RPS6KC1: variants seen among roughly 807,000 people sequenced by gnomAD.
RPS6KC1 encodes the protein ribosomal protein S6 kinase C1, also known as inactive ribosomal protein S6 kinase delta-1.
Under a neutral mutation model 103.8 loss-of-function variants are expected in RPS6KC1, and 54 were observed. The ratio of observed to expected loss-of-function variants is 0.52; its 90% CI spans 0.42 to 0.65. The LOEUF (loss-of-function observed/expected upper bound fraction) is 0.65, where lower values mean the gene tolerates loss of function less well. Among genes scored for constraint, RPS6KC1 ranks in the 30% least tolerant of loss-of-function variants. The pLI is 0.00. For synonymous variants in RPS6KC1, 439 were observed against 438.7 expected (o/e 1.00, Z -0.01); for missense variants, 1,151 against 1,253.8 (o/e 0.92, Z 1.24).
At chr1:213,524,543 C>T in the RPS6KC1 span, among the ~76,000 whole-genome samples, 3 of 152,194 alleles carry the variant, frequency 2.0e-5, no homozygotes, top group African/African-American at 7.2e-5. Context: ...GGAACCCCTT[C>T]TTCTGTCATT....
chr1:213,629,958 T>C, the RPS6KC1 span, among the ~76,000 whole-genome samples: 2 of 152,362 alleles, frequency 1.3e-5, no homozygotes, highest in Non-Finnish European at 2.9e-5. Context: ...GATCAGCGCT[T>C]AGTCTGATGG....
chr1:213,716,661 A>G, the RPS6KC1 span, among the ~76,000 whole-genome samples: 4 of 152,146 alleles, frequency 2.6e-5, no homozygotes, highest in Admixed American at 6.5e-5. Flanking sequence ...TTCTCTTATG[A>G]TTCTTAGTAC....
the RPS6KC1 span, among the ~76,000 whole-genome samples, chr1:213,482,706 G>A: frequency 0.014 from 2,059 of 151,484 alleles, 51 homozygotes; most frequent in African/African-American, 0.048. Context: ...GCACCACCAC[G>A]CCCAGCTAAT....
the RPS6KC1 span, among the ~76,000 whole-genome samples, chr1:213,414,125 G>A: frequency 1.7e-4 from 26 of 152,282 alleles, no homozygotes; most frequent in Non-Finnish European, 3.2e-4. Flanking sequence ...ATGGGGGAAG[G>A]TGAGCTGAGC....
At chr1:213,213,984 C>G (rs1378458363) in intron 8 of RPS6KC1, among the ~76,000 whole-genome samples, 2 of 152,220 alleles carry the variant, frequency 1.3e-5, no homozygotes, top group African/African-American at 2.4e-5. Context: ...GCATTTCCAA[C>G]TGAGGTACTG....
intron 14 of RPS6KC1, among the ~76,000 whole-genome samples, chr1:213,269,199 A>G (rs2094983022): frequency 6.6e-6 from 1 of 152,244 alleles, no homozygotes. Context: ...AATGGATATT[A>G]AGATAGATTT....
chr1:213,364,493 A>G, the RPS6KC1 span, among the ~76,000 whole-genome samples: 1 of 152,080 alleles, frequency 6.6e-6, no homozygotes. Context: ...TGGGTTCACA[A>G]CCTGTGGTGA....
chr1:213,287,077 G>A, the RPS6KC1 span, among the ~76,000 whole-genome samples: 1 of 152,180 alleles, frequency 6.6e-6, no homozygotes, highest in Non-Finnish European at 1.5e-5. Flanking sequence ...AGAAGTGAAA[G>A]ACTAAACAAT....
chr1:213,400,108 T>G, the RPS6KC1 span, among the ~76,000 whole-genome samples: 1 of 152,128 alleles, frequency 6.6e-6, no homozygotes, highest in Non-Finnish European at 1.5e-5. Flanking sequence ...TCGGGTCTTG[T>G]GCGATTTATT....
At chr1:213,189,073 C>G (rs1355875436) in intron 8 of RPS6KC1, among the ~76,000 whole-genome samples, 1 of 152,054 alleles carries the variant, frequency 6.6e-6, no homozygotes, top group African/African-American at 2.4e-5. Context: ...TGATTTTTGA[C>G]ATAGGTTCAA....
chr1:213,181,043 G>A (rs1267319801), intron 8 of RPS6KC1, among the ~76,000 whole-genome samples: 1 of 152,114 alleles, frequency 6.6e-6, no homozygotes, highest in Non-Finnish European at 1.5e-5. Flanking sequence ...CTGGGTGAAG[G>A]GTACATGAGA....
At chr1:213,602,028 C>T in the RPS6KC1 span, among the ~76,000 whole-genome samples, 17 of 11,898 alleles carry the variant, frequency 1.4e-3, 5 homozygotes, top group African/African-American at 3.0e-3. Context: ...TTCTTTCTTT[C>T]TCTTTCTCTT....
At chr1:213,548,529 C>T in the RPS6KC1 span, among the ~76,000 whole-genome samples, 4 of 152,214 alleles carry the variant, frequency 2.6e-5, no homozygotes, top group East Asian at 1.9e-4. Flanking sequence ...GGCTTGGTGA[C>T]GCACACCTGT....
the RPS6KC1 span, among the ~76,000 whole-genome samples, chr1:213,513,400 G>C: frequency 4.6e-5 from 7 of 152,220 alleles, no homozygotes; most frequent in Admixed American, 2.0e-4. Context: ...TATATAAGCA[G>C]CAAGAGAAAA....
the RPS6KC1 span, among the ~76,000 whole-genome samples, chr1:213,409,692 G>A: frequency 4.6e-5 from 7 of 152,164 alleles, no homozygotes; most frequent in Non-Finnish European, 8.8e-5. Context: ...ATTTCTGTTC[G>A]GTCTGCTCAA....
chr1:213,244,479 G>C (rs899468340), intron 12 of RPS6KC1, among the ~76,000 whole-genome samples: 4 of 151,372 alleles, frequency 2.6e-5, no homozygotes, highest in Admixed American at 1.3e-4. Context: ...TTTTTCTCCT[G>C]GTTCCTAGTA....
In RPS6KC1 at chr1:213,068,850, C is replaced by CA. The variant is rs770389713; in HGVS notation, c.106-2142dup. Among the ~76,000 whole-genome samples, 204 of 106,806 alleles carry CA rather than the reference C, an allele frequency of 1.9e-3. No homozygotes were observed. The Middle Eastern group carries it at 0.023, about 12-fold the overall frequency. 70.1% of individuals were successfully genotyped at this position (106,806 alleles called of 152,430 possible). ...AACATAGGGAGACCCCCATCTCTAC[C>CA]AAAAAAAAAAAAAAGTGTATATATG... On this transcript the variant is annotated intron_variant, in intron 1 of 14. Coordinates refer to ENST00000366960, the MANE Select transcript of RPS6KC1 (RefSeq NM_012424.6).
chr1:213,304,205 CAA>C, the RPS6KC1 span, among the ~76,000 whole-genome samples: 498 of 70,546 alleles, frequency 7.1e-3, 4 homozygotes, highest in East Asian at 0.048. Context: ...GACTCCATCT[CAA>C]AAAAAAAAAA....
chr1:213,769,330 A>G, the RPS6KC1 span, among the ~76,000 whole-genome samples: 1 of 152,208 alleles, frequency 6.6e-6, no homozygotes, highest in Non-Finnish European at 1.5e-5. Context: ...CTCAAATGTT[A>G]GAGATTTTCA....
Sources: gnomAD v4.1 joint callset for allele counts (sites outside exome capture counted in the v4.1 genomes callset) on GRCh38, gnomAD v4.1.1 for gene constraint, MANE v1.5 for transcripts, NCBI Gene and HGNC (gene_info 2026-07-23, HGNC 2026-07-21) for gene names.